Variants in CRACD observed in about 807,000 individuals in gnomAD.
The protein encoded by CRACD is capping protein-inhibiting regulator of actin dynamics.
Under a neutral mutation model 106.8 loss-of-function variants are expected in CRACD, and 56 were observed. The ratio of observed to expected loss-of-function variants is 0.52; its 90% CI spans 0.42 to 0.66. CRACD has a LOEUF of 0.66. CRACD is among the 30% of genes least tolerant of loss of function. The pLI, the probability that CRACD is intolerant of heterozygous loss-of-function variation, is 0.00. For synonymous variants in CRACD, 754 were observed against 670.8 expected, an observed-to-expected ratio of 1.12 and a Z score of -1.92; for missense variants, 1,730 against 1,623.2, an observed-to-expected ratio of 1.07 and a Z score of -1.13.
intron 3 of CRACD, chr4:56,288,366 G>A: frequency 4.0e-6 from 1 of 253,156 alleles, no homozygotes; most frequent in East Asian, 9.9e-5. Context: ...GTACCCAATA[G>A]GAAATGTATC....
chr4:56,163,937 G>A (rs1415334529), intron 1 of CRACD, among the ~76,000 whole-genome samples: 3 of 151,918 alleles, frequency 2.0e-5, no homozygotes, highest in Non-Finnish European at 2.9e-5. Flanking sequence ...TAGTAGAGAC[G>A]GGGTTTCACC....
At chr4:56,305,088 G>T (rs182779525) in intron 4 of CRACD, among the ~76,000 whole-genome samples, 1 of 152,106 alleles carries the variant, frequency 6.6e-6, no homozygotes, top group East Asian at 1.9e-4. Context: ...AGGTGTGGTG[G>T]TCGATGCATG....
Position 56,274,620 on chromosome 4 carries a change from C to T in CRACD, c.-17+2128C>T, listed in dbSNP as rs73163610. On this transcript the variant is annotated intron_variant, in intron 3 of 10. Transcript: ENST00000682029. ...CATTTCTAATAATGTCACCTGTCCT[C>T]GTTATTGACTCTTGTCCACAAACCT... 1.5e-3 allele frequency among the ~76,000 whole-genome samples: 226 copies of T among 152,280 alleles called. 2 individuals carry two copies. Among genetic ancestry groups the T allele is most frequent in the African/African-American group, 5.3e-3 (219 of 41,554 alleles).
intron 2 of CRACD, among the ~76,000 whole-genome samples, chr4:56,263,232 T>A (rs2109621183): frequency 6.6e-6 from 1 of 152,138 alleles, no homozygotes; most frequent in Non-Finnish European, 1.5e-5. Context: ...GGTTAGGAGT[T>A]CTCTAGGCAA....
chr4:56,113,660 G>A (rs1364455620), intron 1 of CRACD, among the ~76,000 whole-genome samples: 1 of 152,098 alleles, frequency 6.6e-6, no homozygotes, highest in African/African-American at 2.4e-5. Context: ...CTTCATCATA[G>A]CGTTTATCTC....
chr4:56,302,216 C>A (rs912115147), intron 4 of CRACD, among the ~76,000 whole-genome samples: 2 of 152,176 alleles, frequency 1.3e-5, no homozygotes, highest in Non-Finnish European at 1.5e-5. Context: ...TAGCATGGAG[C>A]GGCTTCAGAA....
At chr4:56,222,712 G>A (rs1023971359) in intron 2 of CRACD, among the ~76,000 whole-genome samples, 8 of 152,018 alleles carry the variant, frequency 5.3e-5, no homozygotes, top group African/African-American at 1.7e-4. Context: ...TTGGGAGGCC[G>A]AAGCTGGTGA....
chr4:56,133,746 A>C (rs1734902347), intron 1 of CRACD, among the ~76,000 whole-genome samples: 1 of 152,236 alleles, frequency 6.6e-6, no homozygotes, highest in African/African-American at 2.4e-5. Context: ...CTTTCCCGTA[A>C]GGACTTAATA....
Position 56,315,349 on chromosome 4 carries a change from C to T in CRACD, c.1847C>T (p.Thr616Ile). Reference sequence around the variant, plus strand: ...GTCAACCTGAGCCAGATCAAGGACACCGCGTGCAAGTCCCTCCTGGGCTTG... The same window carrying T: ...GTCAACCTGAGCCAGATCAAGGACATCGCGTGCAAGTCCCTCCTGGGCTTG... ...PAVNLSQIKD[T>I]ACKSLLGLEE... is the part of the protein sequence containing the mutation. Residue 616 changes from threonine (T) to isoleucine (I), a missense_variant, in exon 8 of 11, where the codon ACC becomes ATC. Physicochemically the swap from Thr to Ile is moderately conservative, Grantham distance 89 (BLOSUM62 -1). This residue lies in a region of CRACD where 1,620 missense variants were observed against 1,481.6 expected (regional missense o/e 1.09). Coordinates refer to ENST00000682029, the MANE Select transcript of CRACD (RefSeq NM_001393381.1). This position sits in a 1 kb window ranked among gnomAD's most constrained non-coding sequence, Gnocchi z 4.1. 2 of 1,613,784 alleles carry T rather than the reference C, an allele frequency of 1.2e-6. No homozygotes were observed. Among genetic ancestry groups the T allele is most frequent in the South Asian group, 1.1e-5 (1 of 91,064 alleles).
chr4:56,071,614 A>G (rs1357865127), intron 1 of CRACD, among the ~76,000 whole-genome samples: 1 of 151,730 alleles, frequency 6.6e-6, no homozygotes, highest in Non-Finnish European at 1.5e-5. Context: ...GGTTCAAGCA[A>G]TTCTCCTGCG....
intron 1 of CRACD, among the ~76,000 whole-genome samples, chr4:56,105,355 C>T (rs866891333): frequency 1.4e-4 from 21 of 152,056 alleles, no homozygotes; most frequent in African/African-American, 4.6e-4. Flanking sequence ...AAAAATTAGC[C>T]GAGCGCGGTA....
At chr4:56,157,621 G>A (rs955362314) in intron 1 of CRACD, among the ~76,000 whole-genome samples, 4 of 152,052 alleles carry the variant, frequency 2.6e-5, no homozygotes, top group Admixed American at 1.3e-4. Flanking sequence ...GGTCTTTTAC[G>A]TCTTACACTA....
chr4:56,156,057 G>A (rs987830531), intron 1 of CRACD, among the ~76,000 whole-genome samples: 9 of 152,138 alleles, frequency 5.9e-5, no homozygotes, highest in Non-Finnish European at 1.3e-4. Context: ...TCCACCTCCT[G>A]GGTTCAGGCG....
intron 2 of CRACD, among the ~76,000 whole-genome samples, chr4:56,264,076 C>T (rs934642864): frequency 2.0e-5 from 3 of 152,134 alleles, no homozygotes; most frequent in Non-Finnish European, 4.4e-5. Flanking sequence ...GAAGCAGGCA[C>T]ATCTTCACAT....
At chr4:56,163,631 A>G (rs1736035617) in intron 1 of CRACD, among the ~76,000 whole-genome samples, 1 of 152,250 alleles carries the variant, frequency 6.6e-6, no homozygotes, top group African/African-American at 2.4e-5. Flanking sequence ...ATTTCTTAAT[A>G]CAATGAGAAA....
chr4:56,093,801 T>C (rs1169198547), intron 1 of CRACD, among the ~76,000 whole-genome samples: 2 of 152,192 alleles, frequency 1.3e-5, no homozygotes, highest in Non-Finnish European at 2.9e-5. Context: ...CAATTTTAGA[T>C]AGTGATTCAT....
chr4:56,324,358 C>G, intron 10 of CRACD, 92 bp downstream of exon 10: 1 of 1,200,188 alleles, frequency 8.3e-7, no homozygotes, highest in Non-Finnish European at 1.1e-6. Flanking sequence ...ACTAGCAGAG[C>G]ACCTCAGGCA....
intron 1 of CRACD, among the ~76,000 whole-genome samples, chr4:56,068,954 G>C (rs1253029196): frequency 6.6e-6 from 1 of 152,150 alleles, no homozygotes; most frequent in Non-Finnish European, 1.5e-5. Flanking sequence ...TGGATTTATA[G>C]TGAGCCCTAA....
chr4:56,204,451 A>G (rs1336210365), intron 2 of CRACD, among the ~76,000 whole-genome samples: 1 of 152,236 alleles, frequency 6.6e-6, no homozygotes, highest in African/African-American at 2.4e-5. Flanking sequence ...CAGGTGGGCA[A>G]GAAAGCACAT....
Sources: allele counts gnomAD v4.1 joint callset (sites outside exome capture counted in the v4.1 genomes callset), GRCh38; gene constraint gnomAD v4.1.1; regional missense constraint gnomAD v4.1.1; non-coding constraint Gnocchi (gnomAD v3.1); transcripts MANE v1.5; gene names NCBI Gene and HGNC (gene_info 2026-07-23, HGNC 2026-07-21).